The following NBEA variants were observed in gnomAD, a reference collection of about 807,000 sequenced individuals.
NBEA encodes the protein neurobeachin.
NBEA carries 44 observed loss-of-function variants against 343.4 expected under a neutral mutation model. The ratio of observed to expected loss-of-function variants is 0.13; its 90% CI spans 0.10 to 0.16. The LOEUF is 0.16. Ranked by LOEUF, NBEA falls within the 10% of genes least tolerant of loss-of-function variation. The pLI, the probability that NBEA is intolerant of heterozygous loss-of-function variation, is 1.00. For synonymous variants in NBEA, 1,175 were observed against 1,238.7 expected, an observed-to-expected ratio of 0.95 and a Z score of 1.08; for missense variants, 2,555 against 3,631.3, an observed-to-expected ratio of 0.70 and a Z score of 7.62.
intron 38 of NBEA, among the ~76,000 whole-genome samples, chr13:35,380,650 G>T (rs73502719): frequency 0.012 from 1,850 of 152,108 alleles, 46 homozygotes; most frequent in African/African-American, 0.043. Flanking sequence ...TGCCAAATTT[G>T]CTTACTAGTT....
At position 35,352,208 on chromosome 13, in the gene NBEA, G is replaced by T; in HGVS notation, c.6064G>T (p.Asp2022Tyr). 1 of 1,543,000 alleles carries T rather than the reference G, an allele frequency of 6.5e-7. No homozygotes were observed. Among genetic ancestry groups the T allele is most frequent in the South Asian group, 1.3e-5 (1 of 79,772 alleles). Reference protein sequence around the residue: ...ADRREEEKMCDHLISAAKHRD... With the variant: ...ADRREEEKMCYHLISAAKHRD... ...TAGAAGAGAGGAAGAAAAGATGTGT[G>T]ACCATCTTATCAGTGCTGCTAAACA... Residue 2022 changes from aspartate to tyrosine, a missense_variant, in exon 38 of 59, where the codon GAC (aspartate) becomes TAC (tyrosine). Asp to Tyr is a radical substitution (Grantham distance 160). Around this residue, in one of 21 missense-constraint regions of NBEA, gnomAD observed 246 missense variants for 313.7 expected, o/e 0.78. Coordinates refer to ENST00000379939, the MANE Select transcript of NBEA (RefSeq NM_001385012.1).
chr13:35,063,625 G>A (rs181748797), intron 8 of NBEA, among the ~76,000 whole-genome samples: 1 of 152,022 alleles, frequency 6.6e-6, no homozygotes, highest in East Asian at 1.9e-4. Flanking sequence ...TGAGTGAGAG[G>A]AACAGCCATT....
At position 35,607,807 on chromosome 13, in the gene NBEA, C is replaced by T. The variant is rs369634261; in HGVS notation, c.7449+1229C>T. Among the ~76,000 whole-genome samples, 12 of 152,136 alleles carry T rather than the reference C, an allele frequency of 7.9e-5. No homozygotes were observed. In the East Asian group the frequency reaches 1.7e-3, roughly 22 times the overall value. On this transcript the variant is annotated intron_variant, in intron 48 of 58. Coordinates refer to ENST00000379939, the MANE Select transcript of NBEA (RefSeq NM_001385012.1). Reference sequence around the variant, plus strand: ...ATTCACAAAGTTGTGCAACCATCACCACAATCAATTTAAGAGCATTTTTAT... The same window carrying T: ...ATTCACAAAGTTGTGCAACCATCACTACAATCAATTTAAGAGCATTTTTAT...
intron 41 of NBEA, chr13:35,475,609 G>A (rs2152961040): frequency 2.5e-6 from 4 of 1,613,710 alleles, no homozygotes; most frequent in Non-Finnish European, 3.4e-6. Context: ...CCAGATCCCG[G>A]TGCATTTAAA....
chr13:35,123,611 A>C, intron 17 of NBEA, 37 bp downstream of exon 17: 1 of 1,270,782 alleles, frequency 7.9e-7, no homozygotes, highest in Non-Finnish European at 1.1e-6. Flanking sequence ...TCTAGAAATA[A>C]CTATTGAGAT....
At position 35,196,992 on chromosome 13, in the gene NBEA, T is replaced by C. The variant is rs376241939; in HGVS notation, c.5366+690T>C. 3.9e-4 allele frequency among the ~76,000 whole-genome samples: 60 copies of C among 152,266 alleles called. 1 individual carries two copies. In the East Asian group the frequency reaches 0.011, roughly 27 times the overall value. On this transcript the variant is annotated intron_variant, in intron 31 of 58. Transcript: ENST00000379939. ...AATTTTTTTAAGGAACAATTAACTT[T>C]TTATTCCAGTATACATTCAATAAAA...
intron 40 of NBEA, among the ~76,000 whole-genome samples, chr13:35,463,174 G>A (rs1170590823): frequency 6.6e-6 from 1 of 152,166 alleles, no homozygotes; most frequent in Admixed American, 6.6e-5. Flanking sequence ...AAGTAAAGTA[G>A]TAAGAGAAAA....
At chr13:35,597,126 C>T (rs1464016634) in intron 47 of NBEA, among the ~76,000 whole-genome samples, 1 of 152,050 alleles carries the variant, frequency 6.6e-6, no homozygotes, top group African/African-American at 2.4e-5. Context: ...ACTTTCAGGT[C>T]CAATTTCTCA....
At chr13:35,580,827 C>A in intron 45 of NBEA, among the ~76,000 whole-genome samples, 1 of 152,124 alleles carries the variant, frequency 6.6e-6, no homozygotes, top group South Asian at 2.1e-4. Flanking sequence ...TAATACTGTG[C>A]AACTGTTTCC....
intron 41 of NBEA, among the ~76,000 whole-genome samples, chr13:35,530,883 C>A (rs2078231227): frequency 6.6e-6 from 1 of 152,146 alleles, no homozygotes; most frequent in Non-Finnish European, 1.5e-5. Context: ...AAATACACTG[C>A]TCTTTAGAAC....
At chr13:35,113,397 T>G (rs2066314296) in intron 13 of NBEA, among the ~76,000 whole-genome samples, 1 of 152,136 alleles carries the variant, frequency 6.6e-6, no homozygotes, top group Non-Finnish European at 1.5e-5. Context: ...TTAATAAGTA[T>G]TTGGTGGAGA....
intron 1 of NBEA, among the ~76,000 whole-genome samples, chr13:35,021,858 T>C (rs74051212): frequency 0.028 from 4,276 of 152,288 alleles, 89 homozygotes; most frequent in South Asian, 0.075. Context: ...TAGATAGTTA[T>C]GTTTTAAAGA....
At chr13:35,212,475 C>A (rs1717385267) in intron 33 of NBEA, among the ~76,000 whole-genome samples, 2 of 152,028 alleles carry the variant, frequency 1.3e-5, no homozygotes, top group Non-Finnish European at 2.9e-5. Flanking sequence ...GATAAGGCCA[C>A]TTATAATTAC....
At chr13:35,012,789 T>C (rs2061529306) in intron 1 of NBEA, among the ~76,000 whole-genome samples, 1 of 152,230 alleles carries the variant, frequency 6.6e-6, no homozygotes, top group Non-Finnish European at 1.5e-5. Context: ...AATTAGTGCC[T>C]TCCTGGACTC....
At chr13:35,030,765 G>T (rs2062181558) in intron 1 of NBEA, among the ~76,000 whole-genome samples, 1 of 151,606 alleles carries the variant, frequency 6.6e-6, no homozygotes, top group Non-Finnish European at 1.5e-5. Flanking sequence ...ACTGTAGAAA[G>T]CATAGGCCCA....
At chr13:35,601,588 C>T (rs1437951814) in intron 47 of NBEA, among the ~76,000 whole-genome samples, 1 of 151,480 alleles carries the variant, frequency 6.6e-6, no homozygotes, top group Non-Finnish European at 1.5e-5. Flanking sequence ...ATGGTGAAAC[C>T]CCATCTCTAC....
intron 34 of NBEA, among the ~76,000 whole-genome samples, chr13:35,281,665 A>G (rs750123780): frequency 1.6e-4 from 25 of 152,240 alleles, no homozygotes; most frequent in African/African-American, 5.8e-4. Context: ...TACATGATAT[A>G]TTATTTAAGT....
chr13:35,522,850 C>A (rs1382045706), intron 41 of NBEA, among the ~76,000 whole-genome samples: 1 of 152,062 alleles, frequency 6.6e-6, no homozygotes, highest in African/African-American at 2.4e-5. Flanking sequence ...ACCCCACCCC[C>A]TCACCCCCTG....
chr13:35,450,896 T>C (rs1377257781), intron 39 of NBEA, among the ~76,000 whole-genome samples: 2 of 152,214 alleles, frequency 1.3e-5, no homozygotes, highest in Non-Finnish European at 2.9e-5. Context: ...GGTGTATGCA[T>C]GTATAAAATT....
Sources: gnomAD v4.1 joint callset for allele counts (sites outside exome capture counted in the v4.1 genomes callset) on GRCh38, gnomAD v4.1.1 for gene constraint, gnomAD v4.1.1 regional missense constraint, MANE v1.5 for transcripts, NCBI Gene and HGNC (gene_info 2026-07-23, HGNC 2026-07-21) for gene names.